Variants in DLC1 observed in about 807,000 individuals in gnomAD.
DLC1 encodes DLC1 Rho GTPase activating protein, also known as rho GTPase-activating protein 7.
DLC1 carries 54 observed loss-of-function variants against 140.3 expected under a neutral mutation model. The ratio of observed to expected loss-of-function variants is 0.38; its 90% confidence interval spans 0.31 to 0.48. The LOEUF (loss-of-function observed/expected upper bound fraction) is 0.48, where lower values mean the gene tolerates loss of function less well. Ranked by LOEUF, DLC1 falls within the 20% of genes least tolerant of loss-of-function variation. The probability of loss-of-function intolerance (pLI) is 0.96; values close to 1 mark genes in which losing one functional copy is unlikely to be tolerated. For synonymous variants in DLC1, 986 were observed against 728.1 expected, an observed-to-expected ratio of 1.35 and a Z score of -5.70; for missense variants, 2,536 against 1,907.0, an observed-to-expected ratio of 1.33 and a Z score of -6.14.
chr8:13,541,837 C>A (rs1191581584), intron 1 of DLC1, among the ~76,000 whole-genome samples: 2 of 152,208 alleles, frequency 1.3e-5, no homozygotes, highest in African/African-American at 4.8e-5. Context: ...GCATGAACCA[C>A]CTCACCCAGC....
At chr8:13,302,278 G>A (rs751820083) in intron 5 of DLC1, among the ~76,000 whole-genome samples, 1 of 152,178 alleles carries the variant, frequency 6.6e-6, no homozygotes, top group Non-Finnish European at 1.5e-5. Flanking sequence ...TTCCTATGGG[G>A]CAGAGGCCAT....
intron 5 of DLC1, among the ~76,000 whole-genome samples, chr8:13,165,633 A>G (rs1446055232): frequency 6.6e-6 from 1 of 152,212 alleles, no homozygotes; most frequent in Non-Finnish European, 1.5e-5. Flanking sequence ...GAAATCTTAA[A>G]CAGCTGCTCC....
At chr8:13,466,066 G>C (rs966036161) in intron 2 of DLC1, among the ~76,000 whole-genome samples, 1 of 152,134 alleles carries the variant, frequency 6.6e-6, no homozygotes, top group African/African-American at 2.4e-5. Context: ...TCCTCACTGG[G>C]CATAGACGGG....
chr8:13,320,054 G>T (rs55699964), intron 4 of DLC1, among the ~76,000 whole-genome samples: 2,316 of 151,894 alleles, frequency 0.015, 57 homozygotes, highest in African/African-American at 0.053. Flanking sequence ...CTCTTGATCC[G>T]CCCGCCTTGG....
chr8:13,159,196 A>G (rs1460339974), intron 5 of DLC1, among the ~76,000 whole-genome samples: 1 of 152,132 alleles, frequency 6.6e-6, no homozygotes, highest in Non-Finnish European at 1.5e-5. Context: ...AAGAAACTGT[A>G]AGAGATTGAG....
rs538203390 is a variant in DLC1, at chr8:13,576,022, T to C, written c.-126+28515A>G. ...AACTAGAGGGCTAGACCACTGGCAA[T>C]GGCCTGTAAAAGTGCATAGATGGAG... On this transcript the variant is annotated intron_variant, in intron 1 of 1. Coordinates refer to the DLC1 transcript ENST00000631382. Among the ~76,000 whole-genome samples, 6 of 152,310 alleles carry C rather than the reference T, an allele frequency of 3.9e-5. No individual in the cohort carries two copies. In the South Asian group the frequency reaches 1.2e-3, roughly 32 times the overall value.
intron 5 of DLC1, among the ~76,000 whole-genome samples, chr8:13,126,201 A>G (rs7830817): frequency 6.6e-6 from 1 of 151,820 alleles, no homozygotes; most frequent in African/African-American, 2.4e-5. Flanking sequence ...TATCTCCCAA[A>G]TAATCAAAAA....
At chr8:13,252,895 A>G (rs1315527495) in intron 5 of DLC1, among the ~76,000 whole-genome samples, 1 of 152,200 alleles carries the variant, frequency 6.6e-6, no homozygotes, top group East Asian at 1.9e-4. Flanking sequence ...GAACTTATTT[A>G]TAGAAAACAT....
intron 4 of DLC1, among the ~76,000 whole-genome samples, chr8:13,316,276 G>T (rs1459069616): frequency 5.3e-5 from 8 of 152,254 alleles, no homozygotes; most frequent in African/African-American, 1.7e-4. Context: ...GGCAATGTGG[G>T]TTAGGTGGAT....
At chr8:13,286,073 A>C (rs1289543117) in intron 5 of DLC1, among the ~76,000 whole-genome samples, 2 of 152,246 alleles carry the variant, frequency 1.3e-5, no homozygotes, top group Non-Finnish European at 2.9e-5. Context: ...ATCAAAGAGC[A>C]AAATAGAAAC....
intron 4 of DLC1, among the ~76,000 whole-genome samples, chr8:13,388,475 A>G (rs172322): frequency 6.6e-6 from 1 of 151,932 alleles, no homozygotes; most frequent in Non-Finnish European, 1.5e-5. Context: ...TTATCCTGAG[A>G]AAGTTTTATA....
At chr8:13,171,501 C>T (rs187435362) in intron 5 of DLC1, among the ~76,000 whole-genome samples, 251 of 152,292 alleles carry the variant, frequency 1.6e-3, no homozygotes, top group African/African-American at 5.6e-3. Context: ...AGCAATCCTC[C>T]TGTCTCAGCC....
chr8:13,469,460 G>T (rs1403475836), intron 2 of DLC1, among the ~76,000 whole-genome samples: 3 of 152,090 alleles, frequency 2.0e-5, no homozygotes, highest in Non-Finnish European at 4.4e-5. Flanking sequence ...TTATTTTTCA[G>T]GGCTTCAGTT....
intron 4 of DLC1, among the ~76,000 whole-genome samples, chr8:13,313,795 T>G (rs2117561525): frequency 6.6e-6 from 1 of 152,346 alleles, no homozygotes; most frequent in East Asian, 1.9e-4. Context: ...ATTTTTGTTT[T>G]TTTTCTTATT....
rs1818949569 is a variant in DLC1, at chr8:13,100,378, C to CATGCTG, written c.1953_1958dup (p.Ser652_Met653insIleSer). 3 of 1,614,146 alleles carry CATGCTG rather than the reference C, an allele frequency of 1.9e-6. No homozygotes were observed. In the East Asian group the frequency reaches 6.7e-5, roughly 36 times the overall value. On this transcript the variant is annotated inframe_insertion, in exon 9 of 18. Transcript: ENST00000276297. ...ACTTGGCAGTTTTTTCGTGGCCTTT[C>CATGCTG]ATGCTGAAGCTGAAGCTGGACAGTT...
intron 2 of DLC1, among the ~76,000 whole-genome samples, chr8:13,430,755 C>G (rs1177494844): frequency 6.6e-6 from 1 of 152,106 alleles, no homozygotes; most frequent in African/African-American, 2.4e-5. Context: ...GGTTAAAATT[C>G]TAAATCTAAA....
chr8:13,598,755 G>T (rs1805766061), intron 1 of DLC1, among the ~76,000 whole-genome samples: 1 of 151,838 alleles, frequency 6.6e-6, no homozygotes, highest in Non-Finnish European at 1.5e-5. Context: ...ATTGGCCTTA[G>T]AATGTGACAA....
At chr8:13,510,516 A>G (rs1802312128) in intron 1 of DLC1, among the ~76,000 whole-genome samples, 1 of 152,226 alleles carries the variant, frequency 6.6e-6, no homozygotes, top group Non-Finnish European at 1.5e-5. Flanking sequence ...CAATTTGCAC[A>G]CATGAAATCT....
At chr8:13,252,599 A>C (rs1273310269) in intron 5 of DLC1, among the ~76,000 whole-genome samples, 1 of 152,230 alleles carries the variant, frequency 6.6e-6, no homozygotes, top group Non-Finnish European at 1.5e-5. Flanking sequence ...GGGCTATTAA[A>C]ATACTAGAAA....
Sources: gnomAD v4.1 joint callset for allele counts (sites outside exome capture counted in the v4.1 genomes callset) on GRCh38, gnomAD v4.1.1 for gene constraint, MANE v1.5 for transcripts, NCBI Gene and HGNC (gene_info 2026-07-23, HGNC 2026-07-21) for gene names.